The following LRIG3 variants were observed in gnomAD, a reference collection of about 807,000 sequenced individuals.
The protein encoded by LRIG3 is leucine rich repeats and immunoglobulin like domains 3, also known as leucine-rich repeats and immunoglobulin-like domains protein 3.
A neutral mutation model predicts 114.5 loss-of-function variants in LRIG3; 76 were observed. That is an observed-to-expected ratio of 0.66 (90% CI 0.55 to 0.80). LRIG3 has a LOEUF of 0.80. Among genes scored for constraint, LRIG3 ranks in the 30% least tolerant of loss-of-function variants. The probability of loss-of-function intolerance (pLI) is 0.00; values close to 1 mark genes in which losing one functional copy is unlikely to be tolerated. For synonymous variants in LRIG3, 512 were observed against 519.8 expected (o/e 0.98, Z 0.20); for missense variants, 1,239 against 1,382.8 (o/e 0.90, Z 1.65).
intron 1 of LRIG3, chr12:58,914,603 T>C: frequency 2.8e-6 from 1 of 355,440 alleles, no homozygotes; most frequent in Non-Finnish European, 5.1e-6. Flanking sequence ...TGAACAGATC[T>C]TTTGTGAACT....
chr12:58,876,365 G>A, intron 16 of LRIG3, 80 bp downstream of exon 16: 2 of 1,474,584 alleles, frequency 1.4e-6, no homozygotes, highest in Admixed American at 2.0e-5. Context: ...TCAATGTCTT[G>A]TGAAAATGAA....
intron 6 of LRIG3, 112 bp downstream of exon 6, chr12:58,888,707 G>A: frequency 1.4e-6 from 2 of 1,420,818 alleles, no homozygotes; most frequent in Non-Finnish European, 9.5e-7. Context: ...TTATAAATAA[G>A]ATTGTGGATG....
At chr12:58,880,040 CCCAG>C (rs1871066858) in intron 13 of LRIG3, among the ~76,000 whole-genome samples, 1 of 152,074 alleles carries the variant, frequency 6.6e-6, no homozygotes, top group South Asian at 2.1e-4. Flanking sequence ...CACCTGTAAT[CCCAG>C]CCAGCACTTT....
intron 3 of LRIG3, among the ~76,000 whole-genome samples, chr12:58,905,434 C>T (rs757131417): frequency 4.6e-5 from 7 of 152,094 alleles, no homozygotes; most frequent in Non-Finnish European, 8.8e-5. Context: ...CATATTAAGA[C>T]GTTTATGTGT....
At position 58,888,333 on chromosome 12, in the gene LRIG3, C is replaced by T; in HGVS notation, c.943G>A (p.Glu315Lys). 1.2e-6 allele frequency: 2 copies of T among 1,612,970 alleles called. No individual in the cohort carries two copies. The highest frequency in any genetic ancestry group is 1.3e-5 in the African/African-American group (1 of 75,004). The stretch of plus-strand genomic sequence containing the variant: ...AATAAATAAAAGGCAACTCACAGCT[C>T]ACTGAGCTTCTGGCAGAACTCCCAG... ...DAWEFCQKLSELDLTFNHLSR... is the reference protein window; with the variant it reads ...DAWEFCQKLSKLDLTFNHLSR... Residue 315 changes from glutamate (E) to lysine (K), a missense_variant, in exon 7 of 19, where the codon GAG becomes AAG. Transcript: ENST00000320743.
Position 58,874,361 on chromosome 12 carries a change from G to C in LRIG3, c.2840-31C>G, listed in dbSNP as rs201291215. ...TAATATGGGGGCAGTAACAGAAGGA[G>C]ATTACAGTTAGCACATCTAGAAGTC... On this transcript the variant is annotated intron_variant, in intron 17 of 18. Transcript: ENST00000320743. 1.9e-6 allele frequency: 3 copies of C among 1,608,140 alleles called. No individual in the cohort carries two copies. In the African/African-American group the frequency reaches 4.0e-5, roughly 22 times the overall value.
At chr12:58,874,408 C>T (rs776111600) in intron 17 of LRIG3, 22 bp downstream of exon 17, 2 of 1,613,806 alleles carry the variant, frequency 1.2e-6, no homozygotes, top group East Asian at 2.2e-5. Context: ...CAGAACTGTA[C>T]TCAAGCAAGA....
chr12:58,883,953 AAAT>A (rs1444467779), intron 10 of LRIG3, among the ~76,000 whole-genome samples: 3 of 152,244 alleles, frequency 2.0e-5, no homozygotes, highest in African/African-American at 4.8e-5. Context: ...TAAAAAATAA[AAAT>A]AATTATGCTT....
At chr12:58,883,689 C>T (rs1871187355) in intron 10 of LRIG3, 98 bp from the exon 11 acceptor site, 1 of 708,204 alleles carries the variant, frequency 1.4e-6, no homozygotes, top group Non-Finnish European at 2.3e-6. Flanking sequence ...ATTTGCCAAA[C>T]AAATACTCCC....
chr12:58,883,059 G>T (rs1332442945), intron 11 of LRIG3, 27 bp from the exon 12 acceptor site: 1 of 1,574,114 alleles, frequency 6.4e-7, no homozygotes, highest in East Asian at 2.3e-5. Flanking sequence ...CATTCAATTT[G>T]TTCTGTATGA....
At chr12:58,878,417 C>T (rs966168758) in intron 14 of LRIG3, among the ~76,000 whole-genome samples, 11 of 151,850 alleles carry the variant, frequency 7.2e-5, no homozygotes, top group Admixed American at 2.0e-4. Context: ...CTCTGACTTC[C>T]GGAGAGGTAT....
chr12:58,877,264 A>C (rs747842316), intron 15 of LRIG3, 136 bp downstream of exon 15: 2 of 862,760 alleles, frequency 2.3e-6, no homozygotes, highest in Non-Finnish European at 1.7e-6. Context: ...TTAGCGAATC[A>C]TATTTCTGCA....
In LRIG3 at chr12:58,877,569, G is replaced by A. The variant is rs745892753; in HGVS notation, c.2367C>T (p.Thr789=). ...NVRLSVIPTP[T]CDSPQMTAPS... ...GGGCTGTCATCTGAGGGGAGTCGCA[G>A]GTTGGAGTGGGGATCACACTGAGGC... Residue 789 remains threonine (T), a synonymous_variant, in exon 15 of 19, where the codon ACC becomes ACT. Coordinates refer to ENST00000320743, the MANE Select transcript of LRIG3 (RefSeq NM_153377.5). 2 of 1,614,226 alleles carry A rather than the reference G, an allele frequency of 1.2e-6. No individual in the cohort carries two copies. The highest frequency in any genetic ancestry group is 3.3e-5 in the Admixed American group (2 of 60,026).
At chr12:58,884,074 C>T (rs1477314854) in intron 10 of LRIG3, among the ~76,000 whole-genome samples, 1 of 152,192 alleles carries the variant, frequency 6.6e-6, no homozygotes, top group African/African-American at 2.4e-5. Flanking sequence ...GGTATTACTA[C>T]TTAGCTCAGC....
At chr12:58,874,353 CAGA>C (rs764421199) in intron 17 of LRIG3, 23 bp from the exon 18 acceptor site, 95 of 1,607,236 alleles carry the variant, frequency 5.9e-5, no homozygotes, top group Non-Finnish European at 7.7e-5. Context: ...GGGGCAGTAA[CAGA>C]AGGAGATTAC....
At position 58,920,132 on chromosome 12, in the gene LRIG3, A is replaced by C; in HGVS notation, c.104T>G (p.Leu35Arg). The change falls in exon 1 of 19, where the codon CTC becomes CGC. Residue 35 changes from leucine (L) to arginine (R), a missense_variant. Physicochemically the swap from Leu to Arg is moderately radical, Grantham distance 102 (BLOSUM62 -2). Transcript: ENST00000320743. ...GRSDSGGRGELGQPSGVAAER... is the reference protein window; with the variant it reads ...GRSDSGGRGERGQPSGVAAER... ...GGCGGCTACCCCAGAGGGCTGCCCG[A>C]GTTCCCCGCGACCGCCGCTGTCTGA... 1 of 1,545,368 alleles carries C rather than the reference A, an allele frequency of 6.5e-7. No homozygotes were observed. The highest frequency in any genetic ancestry group is 8.7e-7 in the Non-Finnish European group (1 of 1,146,598).
intron 3 of LRIG3, among the ~76,000 whole-genome samples, chr12:58,902,168 A>G (rs1044332143): frequency 1.3e-5 from 2 of 152,176 alleles, no homozygotes; most frequent in South Asian, 2.1e-4. Flanking sequence ...GTCTGTAAAC[A>G]TCCATTCATC....
intron 1 of LRIG3, among the ~76,000 whole-genome samples, chr12:58,915,175 T>C (rs1348272984): frequency 6.6e-6 from 1 of 152,224 alleles, no homozygotes; most frequent in African/African-American, 2.4e-5. Context: ...ATATTCTTGG[T>C]TATATTCCCC....
intron 3 of LRIG3, among the ~76,000 whole-genome samples, chr12:58,899,272 T>G (rs1871757242): frequency 1.3e-5 from 2 of 152,220 alleles, no homozygotes; most frequent in Non-Finnish European, 2.9e-5. Flanking sequence ...AATCTAGAAA[T>G]GTATATTCCT....
Sources: gnomAD v4.1 joint callset for allele counts (sites outside exome capture counted in the v4.1 genomes callset) on GRCh38, gnomAD v4.1.1 for gene constraint, MANE v1.5 for transcripts, NCBI Gene and HGNC (gene_info 2026-07-23, HGNC 2026-07-21) for gene names.